The following IL32 variants were observed in gnomAD, a reference collection of about 807,000 sequenced individuals.
The protein encoded by IL32 is interleukin 32.
A neutral mutation model predicts 16.6 loss-of-function variants in IL32; 30 were observed. The ratio of observed to expected loss-of-function variants is 1.81; its 90% confidence interval spans 1.35 to 2.45. The LOEUF (loss-of-function observed/expected upper bound fraction) is 2.45, where lower values mean the gene tolerates loss of function less well. Among genes scored for constraint, IL32 ranks in the 30% most tolerant of loss-of-function variants. IL32 has a pLI of 0.00. For missense variants in IL32, 234 were observed against 229.8 expected (o/e 1.02, Z -0.12); for synonymous variants, 70 against 86.1 (o/e 0.81, Z 1.03).
chr16:3,068,588 G>A, intron 6 of IL32: 1 of 411,256 alleles, frequency 2.4e-6, no homozygotes, highest in Admixed American at 3.7e-5. Context: ...TGAGATTACA[G>A]GCATGAGCCA....
chr16:3,066,243 C>CA (rs146703098), intron 2 of IL32, among the ~76,000 whole-genome samples: 4,113 of 152,230 alleles, frequency 0.027, 196 homozygotes, highest in African/African-American at 0.092. Context: ...ACCACTGCCC[C>CA]ACCGCAAATG....
intron 2 of IL32, 83 bp from the exon 3 acceptor site, chr16:3,067,294 T>TGTGTGTGTGTG (rs1434210694): frequency 2.1e-5 from 15 of 711,976 alleles, no homozygotes; most frequent in Non-Finnish European, 3.4e-5. Context: ...TGTGTGTGTG[T>TGTGTGTGTGTG]GTGTGTGTGT....
rs752042054 is a variant in IL32 at position 3,067,935 on chromosome 16, G to A, written c.115-49G>A. 4 of 1,606,424 alleles carry A rather than the reference G, an allele frequency of 2.5e-6. No individual in the cohort carries two copies. The East Asian group carries it at 6.7e-5, about 27-fold the overall frequency. ...CTGGGCTTGAGGACTGACTGATGTG[G>A]GGTGCAGAGGAGGCTTGGGCCTGGA... On this transcript the variant is annotated intron_variant, in intron 4 of 6. Transcript: ENST00000525643.
At chr16:3,066,624 A>C (rs1331744021) in intron 2 of IL32, among the ~76,000 whole-genome samples, 4 of 152,052 alleles carry the variant, frequency 2.6e-5, no homozygotes, top group Non-Finnish European at 5.9e-5. Context: ...ACGTGTCTGC[A>C]GGCAGGAATG....
rs755737640 is a variant in IL32 at position 3,069,171 on chromosome 16, C to G, written c.383C>G (p.Ala128Gly). 6.2e-7 allele frequency: 1 copy of G among 1,613,606 alleles called. No individual in the cohort carries two copies. The highest frequency in any genetic ancestry group is 1.3e-5 in the African/African-American group (1 of 74,860). ...RLQTWWHGVL[A>G]WVKEKVVALV... ...CAGACCTGGTGGCACGGGGTTCTGG[C>G]CTGGGTGAAGGAGAAGGTGGTGGCC... Residue 128 changes from alanine to glycine, a missense_variant, in exon 7 of 7, where the codon GCC becomes GGC. Coordinates refer to ENST00000525643, the MANE Select transcript of IL32 (RefSeq NM_001376923.1).
chr16:3,067,454 C>T (rs1158389100), intron 3 of IL32, 39 bp downstream of exon 3: 1 of 1,611,746 alleles, frequency 6.2e-7, no homozygotes. Flanking sequence ...GGTTGGGGGC[C>T]TGGGTCTCAG....
intron 5 of IL32, 69 bp from the exon 6 acceptor site, chr16:3,068,111 C>T (rs1956625690): frequency 4.4e-6 from 7 of 1,601,426 alleles, no homozygotes; most frequent in Middle Eastern, 1.7e-4. Flanking sequence ...TCACCTGGAC[C>T]AGTGGGGGCC....
rs1056961307 is a variant in IL32, at chr16:3,068,088, G to A, written c.141+78G>A. 19 of 1,606,926 alleles carry A rather than the reference G, an allele frequency of 1.2e-5. No homozygotes were observed. The Admixed American group carries it at 1.3e-4, about 11-fold the overall frequency. On this transcript the variant is annotated intron_variant, in intron 5 of 6. Coordinates refer to ENST00000525643, the MANE Select transcript of IL32 (RefSeq NM_001376923.1). ...ACAGGACACTGGGTCTGGGCCCCGG[G>A]TCCCCTTGGGAATCACCTGGACCAG...
intron 6 of IL32, 95 bp downstream of exon 6, chr16:3,068,334 C>A: frequency 1.7e-6 from 2 of 1,181,706 alleles, no homozygotes; most frequent in East Asian, 2.6e-5. Flanking sequence ...GAGACAGAGT[C>A]TCGCTCTGTC....
At chr16:3,068,738 C>A (rs1293871219) in intron 6 of IL32, 12 of 559,546 alleles carry the variant, frequency 2.1e-5, no homozygotes, top group Non-Finnish European at 3.1e-5. Context: ...GTGGCACAGC[C>A]CTCAAGGCAC....
upstream of IL32, chr16:3,065,598 C>T (rs1956226619): frequency 3.0e-6 from 2 of 663,718 alleles, no homozygotes; most frequent in Non-Finnish European, 5.4e-6. Flanking sequence ...GCCCACTACC[C>T]CCCACTTTCC....
At position 3,065,701 on chromosome 16, in the gene IL32, G is replaced by A; in HGVS notation, c.-29+14G>A. ...GGGTCATCTCAGGTGGGGAGTTGGG[G>A]TCCCCGAAGGTGAGGACCCTCTGGG... On this transcript the variant is annotated intron_variant, in intron 1 of 6. Transcript: ENST00000525643. The A allele has an allele frequency of 8.3e-7, 1 of 1,209,758 alleles. No homozygotes were observed. The highest frequency in any genetic ancestry group is 1.2e-6 in the Non-Finnish European group (1 of 811,836). 74.9% of individuals were successfully genotyped at this position (1,209,758 alleles called of 1,614,324 possible).
chr16:3,068,278 T>A, intron 6 of IL32, 39 bp downstream of exon 6: 1 of 1,498,652 alleles, frequency 6.7e-7, no homozygotes, highest in Non-Finnish European at 9.1e-7. Flanking sequence ...TTGCCTTCCT[T>A]CACCTCTGCC....
Position 3,069,458 on chromosome 16 carries a change from G to A in IL32, c.*103G>A. 7.3e-7 allele frequency: 1 copy of A among 1,376,920 alleles called. No individual in the cohort carries two copies. The highest frequency in any genetic ancestry group is 9.9e-7 in the Non-Finnish European group (1 of 1,013,626). The allele number at this position is 1,376,920 out of a possible 1,614,324, so 85.3% of individuals were successfully genotyped here. A position where few individuals can be genotyped will look rare whatever the true frequency, so the allele number is the denominator to read the frequency against. On this transcript the variant is annotated 3_prime_UTR_variant, in exon 7 of 7. Transcript: ENST00000525643. ...CCTCTCCCGCACACTCAGTCCCCCT[G>A]CCTGGCGTTCCTGCCGCAGCTCTGA...
At chr16:3,067,277 G>GTGTGTGTGTGTCTC (rs1555442499) in intron 2 of IL32, 100 bp from the exon 3 acceptor site, 10 of 283,394 alleles carry the variant, frequency 3.5e-5, no homozygotes, top group African/African-American at 1.2e-4. Flanking sequence ...GTCTCTGTGT[G>GTGTGTGTGTGTCTC]TGTGTGTGTG....
rs140515711 is a variant in IL32, at chr16:3,068,215, G to A, written c.177G>A (p.Ala59=). 106 of 1,600,184 alleles carry A rather than the reference G, an allele frequency of 6.6e-5. No homozygotes were observed. Among genetic ancestry groups the A allele is most frequent in the East Asian group, 6.5e-4 (29 of 44,324 alleles). Residue 59 remains alanine, a synonymous_variant, in exon 6 of 7, where the codon GCG becomes GCA. Coordinates refer to ENST00000525643, the MANE Select transcript of IL32 (RefSeq NM_001376923.1). The stretch of plus-strand genomic sequence containing the variant: ...AAGAGGGCTACCTGGAGACAGTGGC[G>A]GCTTATTATGAGGAGCAGCACCCAG... ...DFKEGYLETV[A]AYYEEQHPEL...
intron 4 of IL32, 29 bp downstream of exon 4, chr16:3,067,642 T>C: frequency 1.3e-6 from 2 of 1,526,092 alleles, no homozygotes; most frequent in South Asian, 1.1e-5. Flanking sequence ...AGGCACCAGG[T>C]CACATGTCCC....
chr16:3,067,663 C>T (rs1345992812), intron 4 of IL32, 50 bp downstream of exon 4: 4 of 1,359,440 alleles, frequency 2.9e-6, no homozygotes, highest in Middle Eastern at 1.8e-4. Flanking sequence ...CGCCCCCAGG[C>T]ACTCCACCCT....
intron 6 of IL32, 146 bp from the exon 7 acceptor site, chr16:3,068,844 C>G: frequency 7.4e-7 from 1 of 1,344,570 alleles, no homozygotes; most frequent in Non-Finnish European, 1.0e-6. Context: ...AAAAGTCCCT[C>G]TTGCCCACGG....
Sources: gnomAD v4.1 joint callset for allele counts (sites outside exome capture counted in the v4.1 genomes callset) on GRCh38, gnomAD v4.1.1 for gene constraint, MANE v1.5 for transcripts, NCBI Gene and HGNC (gene_info 2026-07-23, HGNC 2026-07-21) for gene names.